The following TCF12 variants were observed in gnomAD, a reference collection of about 807,000 sequenced individuals.
TCF12 encodes DNA-binding protein HTF4.
TCF12 carries 45 observed loss-of-function variants against 86.0 expected under a neutral mutation model. That is an observed-to-expected ratio of 0.52 (90% confidence interval 0.41 to 0.67). The LOEUF is 0.67. Ranked by LOEUF, TCF12 falls within the 30% of genes least tolerant of loss-of-function variation. The pLI, the probability that TCF12 is intolerant of heterozygous loss-of-function variation, is 0.00. For synonymous variants in TCF12, 330 were observed against 299.6 expected (o/e 1.10, Z -1.05); for missense variants, 881 against 859.9 (o/e 1.02, Z -0.31).
chr15:56,987,275 G>C (rs779474636), intron 3 of TCF12, among the ~76,000 whole-genome samples: 1 of 151,912 alleles, frequency 6.6e-6, no homozygotes, highest in Non-Finnish European at 1.5e-5. Context: ...CACCACGCCC[G>C]GCTAATTTTT....
At chr15:56,995,143 T>G (rs1420659339) in intron 3 of TCF12, among the ~76,000 whole-genome samples, 3 of 149,716 alleles carry the variant, frequency 2.0e-5, no homozygotes, top group African/African-American at 7.4e-5. Flanking sequence ...AGAATTACAA[T>G]GGATAAATTA....
intron 3 of TCF12, among the ~76,000 whole-genome samples, chr15:56,963,686 T>C (rs2140616594): frequency 6.6e-6 from 1 of 152,332 alleles, no homozygotes; most frequent in South Asian, 2.1e-4. Flanking sequence ...CCCACAACCT[T>C]CTCTCACCCT....
Position 57,136,416 on chromosome 15 carries a change from C to G in TCF12, c.326-29986C>G, listed in dbSNP as rs186007917. Among the ~76,000 whole-genome samples the G allele has an allele frequency of 4.6e-5, 7 of 152,248 alleles. No homozygotes were observed. In the East Asian group the frequency reaches 1.3e-3, roughly 29 times the overall value. ...ATTTCTCTTATGAAGTCACAGTGGC[C>G]TGTCATAACCATGGATTAAATGTTT... On this transcript the variant is annotated intron_variant, in intron 5 of 20. Transcript: ENST00000333725.
In TCF12 at chr15:57,262,145, C is replaced by T. The variant is rs1567008574; in HGVS notation, c.1519C>T (p.Leu507=). 1.2e-6 allele frequency: 2 copies of T among 1,613,656 alleles called. No homozygotes were observed. The highest frequency in any genetic ancestry group is 2.2e-5 in the East Asian group (1 of 44,838). Residue 507 remains leucine (L), a synonymous_variant, in exon 17 of 21, where the codon CTG becomes TTG. Coordinates refer to ENST00000333725, the MANE Select transcript of TCF12 (RefSeq NM_207037.2). ...CAGTCTCAATGGCAATCATTCAGTC[C>T]TGTCTAGTACAGTCACTACTTCAAG... is the stretch of plus-strand genomic sequence containing the variant. ...SVSLNGNHSV[L]SSTVTTSSTD...
chr15:57,163,296 A>G (rs1454024868), intron 5 of TCF12, among the ~76,000 whole-genome samples: 4 of 152,258 alleles, frequency 2.6e-5, no homozygotes, highest in African/African-American at 9.6e-5. Context: ...GAAATAGACT[A>G]GTATCATTTT....
At chr15:57,153,767 C>T (rs920400684) in intron 5 of TCF12, among the ~76,000 whole-genome samples, 1 of 151,996 alleles carries the variant, frequency 6.6e-6, no homozygotes, top group African/African-American at 2.4e-5. Flanking sequence ...GTGGCTCATA[C>T]CTGTAATCCC....
intron 3 of TCF12, among the ~76,000 whole-genome samples, chr15:57,053,764 C>T (rs527243744): frequency 6.5e-4 from 99 of 152,262 alleles, no homozygotes; most frequent in African/African-American, 2.3e-3. Context: ...AAGTATCTAT[C>T]ATTTGGCCCT....
chr15:56,926,850 T>C (rs1043916184), intron 3 of TCF12, among the ~76,000 whole-genome samples: 1 of 152,198 alleles, frequency 6.6e-6, no homozygotes, highest in Admixed American at 6.5e-5. Flanking sequence ...GTTAGGAGTG[T>C]TCAATGAGTT....
At chr15:57,247,854 C>T (rs2059933285) in intron 13 of TCF12, 2 of 756,720 alleles carry the variant, frequency 2.6e-6, no homozygotes, top group East Asian at 4.9e-5. Context: ...CTCATTACCA[C>T]ACAATCTGTG....
intron 5 of TCF12, among the ~76,000 whole-genome samples, chr15:57,125,554 G>A (rs2151313498): frequency 6.6e-6 from 1 of 152,276 alleles, no homozygotes; most frequent in Non-Finnish European, 1.5e-5. Flanking sequence ...TACCAGACAA[G>A]CCAACAATGA....
At chr15:57,210,407 T>C (rs1157170604) in intron 8 of TCF12, among the ~76,000 whole-genome samples, 1 of 151,840 alleles carries the variant, frequency 6.6e-6, no homozygotes, top group African/African-American at 2.4e-5. Context: ...TGCTTAAACT[T>C]TGTAAACACT....
At chr15:57,041,591 A>G (rs1397806411) in intron 3 of TCF12, among the ~76,000 whole-genome samples, 1 of 152,224 alleles carries the variant, frequency 6.6e-6, no homozygotes, top group Non-Finnish European at 1.5e-5. Context: ...CCTGAAAACA[A>G]CAATGGCACA....
At chr15:57,108,687 A>C (rs1178899311) in intron 5 of TCF12, among the ~76,000 whole-genome samples, 3 of 151,932 alleles carry the variant, frequency 2.0e-5, no homozygotes, top group African/African-American at 7.3e-5. Flanking sequence ...GTTGGGGGGT[A>C]GGAGTGGGTT....
intron 5 of TCF12, among the ~76,000 whole-genome samples, chr15:57,153,029 A>G (rs1406243864): frequency 6.6e-6 from 1 of 152,238 alleles, no homozygotes; most frequent in East Asian, 1.9e-4. Context: ...GCAAGATGAT[A>G]GTGATATCTC....
chr15:56,978,429 G>A (rs1209303867), intron 3 of TCF12, among the ~76,000 whole-genome samples: 2 of 152,056 alleles, frequency 1.3e-5, no homozygotes, highest in Non-Finnish European at 2.9e-5. Flanking sequence ...TGAAAATAGT[G>A]AAAAGAATAT....
chr15:57,172,180 C>A (rs1473776930), intron 6 of TCF12, among the ~76,000 whole-genome samples: 1 of 151,972 alleles, frequency 6.6e-6, no homozygotes, highest in Non-Finnish European at 1.5e-5. Context: ...GTTGATGTAT[C>A]AGAAAGACAT....
intron 3 of TCF12, among the ~76,000 whole-genome samples, chr15:56,958,993 G>GT (rs554724881): frequency 4.3e-4 from 65 of 152,298 alleles, no homozygotes; most frequent in Non-Finnish European, 7.5e-4. Context: ...ATATTAGGCT[G>GT]TCTTCTACAG....
chr15:57,262,975 T>C lies in TCF12; in HGVS notation c.1583-137T>C, dbSNP rs563089991. On this transcript the variant is annotated intron_variant, in intron 17 of 20. Transcript: ENST00000333725. ...CTTTTCAGCTCTAAATAGTATACTT[T>C]CCTACATCTTCAAACCTCCATCATA... 5 of 816,100 alleles carry C rather than the reference T, an allele frequency of 6.1e-6. No individual in the cohort carries two copies. The African/African-American group carries it at 8.8e-5, about 14-fold the overall frequency. The allele number at this position is 816,100 out of a possible 1,614,324, so 50.6% of individuals were successfully genotyped here. A position where few individuals can be genotyped will look rare whatever the true frequency, so the allele number is the denominator to read the frequency against.
chr15:56,925,240 G>GCCCCC (rs11465192), intron 3 of TCF12, among the ~76,000 whole-genome samples: 4 of 136,252 alleles, frequency 2.9e-5, no homozygotes, highest in Non-Finnish European at 6.3e-5. Context: ...GGTGTCCACC[G>GCCCCC]CCCCCCCACC....
Sources: allele counts gnomAD v4.1 joint callset (sites outside exome capture counted in the v4.1 genomes callset), GRCh38; gene constraint gnomAD v4.1.1; transcripts MANE v1.5; gene names NCBI Gene and HGNC (gene_info 2026-07-23, HGNC 2026-07-21).